Variants in BAALC observed in about 807,000 individuals in gnomAD.
BAALC encodes brain and acute leukemia cytoplasmic protein.
BAALC carries 9 observed loss-of-function variants against 15.5 expected under a neutral mutation model. The ratio of observed to expected loss-of-function variants is 0.58; its 90% CI spans 0.35 to 1.02. The LOEUF is 1.02. BAALC is among the 50% of genes least tolerant of loss of function. The pLI is 0.02. For synonymous variants in BAALC, 80 were observed against 74.6 expected (o/e 1.07, Z -0.37); for missense variants, 201 against 192.4 (o/e 1.04, Z -0.27).
chr8:103,159,724 G>T (rs116888904), intron 1 of BAALC, among the ~76,000 whole-genome samples: 4,137 of 152,130 alleles, frequency 0.027, 82 homozygotes, highest in South Asian at 0.054. Context: ...TTCTGGTATG[G>T]TATGTTTTTC....
chr8:103,187,297 G>T (rs193085041), intron 1 of BAALC, among the ~76,000 whole-genome samples: 1 of 152,174 alleles, frequency 6.6e-6, no homozygotes, highest in Non-Finnish European at 1.5e-5. Context: ...GCTTCTCAAT[G>T]TCTAGAGACA....
intron 1 of BAALC, among the ~76,000 whole-genome samples, chr8:103,194,124 A>G (rs563549815): frequency 6.6e-6 from 1 of 152,266 alleles, no homozygotes; most frequent in South Asian, 2.1e-4. Context: ...TGAAGCAGGG[A>G]GAGATTTTCC....
chr8:103,189,268 T>G (rs1811914273), intron 1 of BAALC, among the ~76,000 whole-genome samples: 1 of 152,248 alleles, frequency 6.6e-6, no homozygotes, highest in Non-Finnish European at 1.5e-5. Flanking sequence ...TCTTTGGTTT[T>G]AAAATATGTA....
At position 103,229,838 on chromosome 8, in the gene BAALC, A is replaced by ATGT. The variant is rs886339750; in HGVS notation, c.*1741_*1743dup. On this transcript the variant is annotated 3_prime_UTR_variant, in exon 3 of 3. Coordinates refer to ENST00000309982, the MANE Select transcript of BAALC (RefSeq NM_024812.3). ...TTTTAGGAACTTTATGTTCTAAAAA[A>ATGT]TGTTTTTAACAATAATAAGATAAAA... 1 of 152,218 alleles carries ATGT rather than the reference A, an allele frequency of 6.6e-6. No individual in the cohort carries two copies. The highest frequency in any genetic ancestry group is 2.4e-5 in the African/African-American group (1 of 41,460). The allele number at this position is 152,218 out of a possible 1,614,324, so 9.4% of individuals were successfully genotyped here. A position where few individuals can be genotyped will look rare whatever the true frequency, so the allele number is the denominator to read the frequency against.
chr8:103,186,372 C>G (rs767091212), intron 1 of BAALC, among the ~76,000 whole-genome samples: 7 of 152,194 alleles, frequency 4.6e-5, no homozygotes, highest in Non-Finnish European at 7.3e-5. Context: ...GATCACATAA[C>G]AAGTAGGTGG....
intron 1 of BAALC, among the ~76,000 whole-genome samples, chr8:103,185,131 T>C (rs958776976): frequency 1.3e-5 from 2 of 151,994 alleles, no homozygotes; most frequent in African/African-American, 4.8e-5. Context: ...GGTATCTTTA[T>C]AGCTGATTGC....
At chr8:103,209,797 T>C (rs2201369) in intron 1 of BAALC, among the ~76,000 whole-genome samples, 21,128 of 152,264 alleles carry the variant, frequency 0.14, 1,738 homozygotes, top group South Asian at 0.23. Context: ...AAGTCTGCCT[T>C]TGGATGTTCT....
intron 1 of BAALC, among the ~76,000 whole-genome samples, chr8:103,164,349 T>C (rs988980853): frequency 1.3e-5 from 2 of 152,092 alleles, no homozygotes; most frequent in Admixed American, 6.6e-5. Flanking sequence ...GAGCAGGAGT[T>C]TGGGCTTTAT....
At chr8:103,199,657 T>C (rs1050162141) in intron 1 of BAALC, among the ~76,000 whole-genome samples, 2 of 148,446 alleles carry the variant, frequency 1.3e-5, no homozygotes, top group African/African-American at 2.5e-5. Context: ...ATTTCTTTCT[T>C]TTTTTTTTTA....
At chr8:103,213,172 A>G in intron 2 of BAALC, 87 bp downstream of exon 2, 1 of 1,409,924 alleles carries the variant, frequency 7.1e-7, no homozygotes, top group African/African-American at 1.4e-5. Flanking sequence ...CGCTATGTCC[A>G]GGGAGGGACC....
chr8:103,206,494 C>T (rs1291846858), intron 1 of BAALC, among the ~76,000 whole-genome samples: 2 of 152,070 alleles, frequency 1.3e-5, no homozygotes, highest in Admixed American at 6.6e-5. Flanking sequence ...CTCAATGTGC[C>T]GCCGCAGACC....
intron 1 of BAALC, among the ~76,000 whole-genome samples, chr8:103,178,792 G>T (rs918893211): frequency 5.3e-5 from 8 of 151,646 alleles, no homozygotes; most frequent in African/African-American, 1.9e-4. Context: ...GGACCCAGGA[G>T]GCAGAGGTTG....
chr8:103,221,503 T>G (rs1812677343), intron 2 of BAALC, among the ~76,000 whole-genome samples: 1 of 151,832 alleles, frequency 6.6e-6, no homozygotes, highest in Non-Finnish European at 1.5e-5. Flanking sequence ...TAGAAACACA[T>G]TTTCTTTTCC....
chr8:103,193,252 A>C (rs1426560359), intron 1 of BAALC, among the ~76,000 whole-genome samples: 1 of 152,184 alleles, frequency 6.6e-6, no homozygotes, highest in East Asian at 1.9e-4. Flanking sequence ...ATAGAGCAGC[A>C]ATCTGCTCTG....
intron 1 of BAALC, among the ~76,000 whole-genome samples, chr8:103,199,772 T>C (rs1014937881): frequency 3.9e-4 from 52 of 132,878 alleles, no homozygotes; most frequent in Admixed American, 4.8e-4. Flanking sequence ...TTAAGTCTAG[T>C]ACCCATTAGT....
intron 1 of BAALC, among the ~76,000 whole-genome samples, chr8:103,179,726 G>T (rs1160630012): frequency 6.6e-6 from 1 of 152,236 alleles, no homozygotes; most frequent in Non-Finnish European, 1.5e-5. Flanking sequence ...GCCCTGCGCT[G>T]GGCTCACAGC....
At chr8:103,155,319 T>A (rs191194350) in intron 1 of BAALC, among the ~76,000 whole-genome samples, 10 of 119,684 alleles carry the variant, frequency 8.4e-5, no homozygotes, top group African/African-American at 2.8e-4. Flanking sequence ...CTTAATTCTC[T>A]AATGTAATAA....
chr8:103,204,631 A>G (rs1812288614), intron 1 of BAALC, among the ~76,000 whole-genome samples: 1 of 152,112 alleles, frequency 6.6e-6, no homozygotes, highest in African/African-American at 2.4e-5. Flanking sequence ...ATTATTTTGC[A>G]TGTAGATATT....
At chr8:103,187,570 C>A (rs1271565251) in intron 1 of BAALC, among the ~76,000 whole-genome samples, 1 of 152,126 alleles carries the variant, frequency 6.6e-6, no homozygotes, top group Non-Finnish European at 1.5e-5. Flanking sequence ...AGAGTGGCCC[C>A]CAGGTAGTGT....
Sources: gnomAD v4.1 joint callset for allele counts (sites outside exome capture counted in the v4.1 genomes callset) on GRCh38, gnomAD v4.1.1 for gene constraint, MANE v1.5 for transcripts, NCBI Gene and HGNC (gene_info 2026-07-23, HGNC 2026-07-21) for gene names.